The following GLRA3 variants were observed in gnomAD, a reference collection of about 807,000 sequenced individuals.
GLRA3 encodes glycine receptor subunit alpha-3.
Under a neutral mutation model 60.4 loss-of-function variants are expected in GLRA3, and 44 were observed. The observed-to-expected ratio is 0.73, with a 90% confidence interval of 0.57 to 0.94. The LOEUF is 0.94. Ranked by LOEUF, GLRA3 falls within the 40% of genes least tolerant of loss-of-function variation. The probability of loss-of-function intolerance (pLI) is 0.00; values close to 1 mark genes in which losing one functional copy is unlikely to be tolerated. For missense variants in GLRA3, 508 were observed against 564.6 expected (o/e 0.90, Z 1.02); for synonymous variants, 223 against 192.9 (o/e 1.16, Z -1.29).
At position 174,649,338 on chromosome 4, in the gene GLRA3, G is replaced by A. The variant is rs150821695; in HGVS notation, c.1117-5274C>T. On this transcript the variant is annotated intron_variant, in intron 9 of 9. Coordinates refer to ENST00000274093, the MANE Select transcript of GLRA3 (RefSeq NM_006529.4). Reference sequence around the variant, plus strand: ...ATCATGGTCACACTAAAAACTGTAGGTAGGAAAAAAGAGAGTAAGATATAC... The same window carrying A: ...ATCATGGTCACACTAAAAACTGTAGATAGGAAAAAAGAGAGTAAGATATAC... Among the ~76,000 whole-genome samples, 67 of 152,198 alleles carry A rather than the reference G, an allele frequency of 4.4e-4. 1 individual carries two copies. The highest frequency in any genetic ancestry group is 1.6e-3 in the African/African-American group (66 of 41,536).
chr4:174,760,321 T>C (rs1737887185), intron 3 of GLRA3, among the ~76,000 whole-genome samples: 1 of 152,200 alleles, frequency 6.6e-6, no homozygotes, highest in Non-Finnish European at 1.5e-5. Context: ...TACTAAGTGT[T>C]GGAGAACATG....
intron 1 of GLRA3, among the ~76,000 whole-genome samples, chr4:174,792,253 T>G (rs1457015505): frequency 6.6e-6 from 1 of 152,084 alleles, no homozygotes; most frequent in African/African-American, 2.4e-5. Context: ...TTCCCACAAT[T>G]CTAAAAGTCC....
intron 1 of GLRA3, among the ~76,000 whole-genome samples, chr4:174,798,929 A>G (rs1178338668): frequency 6.9e-6 from 1 of 143,908 alleles, no homozygotes; most frequent in African/African-American, 2.5e-5. Context: ...TGAAAAAAGG[A>G]AAAAAAAAAA....
At chr4:174,796,837 T>C (rs975310190) in intron 1 of GLRA3, among the ~76,000 whole-genome samples, 2 of 152,078 alleles carry the variant, frequency 1.3e-5, no homozygotes, top group Admixed American at 1.3e-4. Flanking sequence ...GCCTGGCCCC[T>C]TCCTCTTCTG....
Position 174,682,826 on chromosome 4 carries a change from A to G in GLRA3, c.688T>C (p.Tyr230His). 1 of 1,613,024 alleles carries G rather than the reference A, an allele frequency of 6.2e-7. No homozygotes were observed. The highest frequency in any genetic ancestry group is 2.2e-5 in the East Asian group (1 of 44,850). The change falls in exon 6 of 10, where the codon TAC (tyrosine) becomes CAC (histidine). Residue 230 changes from tyrosine (Y) to histidine (H), a missense_variant. Coordinates refer to ENST00000274093, the MANE Select transcript of GLRA3 (RefSeq NM_006529.4). ...CCTGTATTGTAATGTTTAGTGCAGT[A>G]TCGTAAATCTTTTTCTTCTTTCAAC... The part of the protein sequence containing the change: ...FLLKEEKDLR[Y>H]CTKHYNTGKF...
chr4:174,790,383 A>T (rs201783342), intron 1 of GLRA3, among the ~76,000 whole-genome samples: 3,122 of 127,680 alleles, frequency 0.024, 95 homozygotes, highest in African/African-American at 0.081. Flanking sequence ...TAATAAATAT[A>T]TTTTTTTAAA....
intron 3 of GLRA3, among the ~76,000 whole-genome samples, chr4:174,731,026 A>T (rs1736527212): frequency 6.6e-6 from 1 of 152,228 alleles, no homozygotes; most frequent in Non-Finnish European, 1.5e-5. Context: ...AGTTAGTGAG[A>T]TGATGAATAT....
At chr4:174,720,094 G>C (rs1274248557) in intron 4 of GLRA3, among the ~76,000 whole-genome samples, 3 of 151,970 alleles carry the variant, frequency 2.0e-5, no homozygotes, top group Non-Finnish European at 4.4e-5. Flanking sequence ...ATTTCTTCCC[G>C]TGATCTGATT....
At chr4:174,789,075 G>C in intron 1 of GLRA3, 132 bp from the exon 2 acceptor site, 1 of 526,508 alleles carries the variant, frequency 1.9e-6, no homozygotes, top group Non-Finnish European at 3.3e-6. Flanking sequence ...ATATCATACA[G>C]TGAAGATTAT....
At chr4:174,779,369 CAG>C (rs1213046403) in intron 2 of GLRA3, among the ~76,000 whole-genome samples, 3 of 152,160 alleles carry the variant, frequency 2.0e-5, no homozygotes, top group African/African-American at 7.2e-5. Flanking sequence ...GGGGAAAAAA[CAG>C]AACAGAAAAA....
rs1732558338 is a variant in GLRA3 at position 174,638,661 on chromosome 4, G to C, written c.*5125C>G. The C allele has an allele frequency of 6.6e-6, 1 of 152,120 alleles. No homozygotes were observed. The highest frequency in any genetic ancestry group is 1.5e-5 in the Non-Finnish European group (1 of 68,008). 9.4% of individuals were successfully genotyped at this position (152,120 alleles called of 1,614,324 possible). ...TTAGTTGCTTGAAGAAAGAAAAAAT[G>C]ATAAAACTTAAAAAGTGTTAAATTG... On this transcript the variant is annotated 3_prime_UTR_variant, in exon 10 of 10. Coordinates refer to ENST00000274093, the MANE Select transcript of GLRA3 (RefSeq NM_006529.4).
chr4:174,717,974 G>T (rs1735986433), intron 4 of GLRA3, among the ~76,000 whole-genome samples: 1 of 152,054 alleles, frequency 6.6e-6, no homozygotes, highest in South Asian at 2.1e-4. Context: ...CTCTCACCAT[G>T]CATGTGATGT....
intron 1 of GLRA3, among the ~76,000 whole-genome samples, chr4:174,792,668 C>T (rs1184806119): frequency 6.6e-6 from 1 of 152,102 alleles, no homozygotes; most frequent in African/African-American, 2.4e-5. Flanking sequence ...TTACTGATTG[C>T]CTTAGGCACC....
chr4:174,647,324 C>T (rs1371053373), intron 9 of GLRA3, among the ~76,000 whole-genome samples: 2 of 150,832 alleles, frequency 1.3e-5, no homozygotes, highest in African/African-American at 4.9e-5. Context: ...GGGAGGATTG[C>T]TTGAACCGGG....
Position 174,728,689 on chromosome 4 carries a change from C to T in GLRA3, c.277G>A (p.Val93Met). 6.5e-7 allele frequency: 1 copy of T among 1,544,822 alleles called. No individual in the cohort carries two copies. The change falls in exon 4 of 10, where the codon GTG (valine) becomes ATG (methionine). Residue 93 changes from valine (V) to methionine (M), a missense_variant. Physicochemically the swap from Val to Met is conservative, Grantham distance 21 (BLOSUM62 1). Transcript: ENST00000274093. ...SIAETTMDYRVNIFLRQKWND... is the reference protein window; with the variant it reads ...SIAETTMDYRMNIFLRQKWND... ...CATTTCTGACGAAGAAAGATATTCA[C>T]TCTGTAATCCTATGATAAAATAATG...
At chr4:174,795,894 A>G (rs35205806) in intron 1 of GLRA3, among the ~76,000 whole-genome samples, 38,595 of 150,616 alleles carry the variant, frequency 0.26, 5,221 homozygotes, top group Non-Finnish European at 0.29. Flanking sequence ...CGGTGTGAGC[A>G]AAATCCTTAT....
intron 5 of GLRA3, among the ~76,000 whole-genome samples, chr4:174,714,957 A>G (rs1469745518): frequency 6.6e-6 from 1 of 152,212 alleles, no homozygotes; most frequent in African/African-American, 2.4e-5. Flanking sequence ...GCTAACATAC[A>G]TAACATACCC....
intron 4 of GLRA3, among the ~76,000 whole-genome samples, chr4:174,725,866 TG>T (rs1318862069): frequency 1.3e-5 from 2 of 152,224 alleles, no homozygotes; most frequent in African/African-American, 4.8e-5. Context: ...GTATGATTTC[TG>T]GTTCTTTGTA....
intron 1 of GLRA3, among the ~76,000 whole-genome samples, chr4:174,796,568 C>T (rs1339403003): frequency 2.0e-5 from 3 of 151,632 alleles, no homozygotes; most frequent in Non-Finnish European, 4.4e-5. Flanking sequence ...GACGGAGTCT[C>T]GCTCTGTCAC....
Sources: gnomAD v4.1 joint callset for allele counts (sites outside exome capture counted in the v4.1 genomes callset) on GRCh38, gnomAD v4.1.1 for gene constraint, MANE v1.5 for transcripts, NCBI Gene and HGNC (gene_info 2026-07-23, HGNC 2026-07-21) for gene names.